The following EHBP1 variants were observed in gnomAD, a reference collection of about 807,000 sequenced individuals.
EHBP1 encodes the protein EH domain binding protein 1.
A neutral mutation model predicts 144.0 loss-of-function variants in EHBP1; 55 were observed. The observed-to-expected ratio is 0.38, with a 90% CI of 0.31 to 0.48. The LOEUF (loss-of-function observed/expected upper bound fraction) is 0.48, where lower values mean the gene tolerates loss of function less well. Among genes scored for constraint, EHBP1 ranks in the 20% least tolerant of loss-of-function variants. The pLI is 0.98. For synonymous variants in EHBP1, 469 were observed against 472.7 expected (o/e 0.99, Z 0.10); for missense variants, 1,200 against 1,364.2 (o/e 0.88, Z 1.90).
At chr2:62,712,671 G>A (rs927717017) in intron 2 of EHBP1, among the ~76,000 whole-genome samples, 1 of 152,130 alleles carries the variant, frequency 6.6e-6, no homozygotes, top group Non-Finnish European at 1.5e-5. Flanking sequence ...AGCTGGAAAA[G>A]GAGAAGGTAA....
chr2:62,983,690 G>GAAT (rs1239536685), intron 15 of EHBP1, among the ~76,000 whole-genome samples: 2 of 151,910 alleles, frequency 1.3e-5, no homozygotes, highest in Non-Finnish European at 2.9e-5. Flanking sequence ...ACAGGCACCC[G>GAAT]GCCACCATGC....
intron 14 of EHBP1, 102 bp from the exon 15 acceptor site, chr2:62,979,086 C>G: frequency 8.4e-7 from 1 of 1,197,158 alleles, no homozygotes; most frequent in Non-Finnish European, 1.2e-6. Context: ...TAATGTGGGC[C>G]AAGCACCATG....
chr2:62,748,390 AC>A (rs1416184353), intron 3 of EHBP1, among the ~76,000 whole-genome samples: 2 of 152,140 alleles, frequency 1.3e-5, no homozygotes, highest in Non-Finnish European at 2.9e-5. Context: ...TTCTATCCTT[AC>A]GCCTGTAATC....
At chr2:62,728,667 T>C (rs759370306) in intron 2 of EHBP1, among the ~76,000 whole-genome samples, 3 of 152,078 alleles carry the variant, frequency 2.0e-5, no homozygotes, top group Non-Finnish European at 2.9e-5. Context: ...GATTTGCAAA[T>C]AGTTTCTCTC....
intron 1 of EHBP1, among the ~76,000 whole-genome samples, chr2:62,680,261 A>T (rs2033464346): frequency 6.6e-6 from 1 of 152,214 alleles, no homozygotes; most frequent in African/African-American, 2.4e-5. Flanking sequence ...TCTCATTTTC[A>T]GTGCCCCTTG....
chr2:62,864,554 G>A (rs1013772411), intron 8 of EHBP1, among the ~76,000 whole-genome samples, 177 bp from the exon 9 acceptor site: 1 of 152,030 alleles, frequency 6.6e-6, no homozygotes, highest in African/African-American at 2.4e-5. Flanking sequence ...CACATCTTCT[G>A]AACATTAAGA....
chr2:62,981,350 A>G (rs2058961775), intron 15 of EHBP1, among the ~76,000 whole-genome samples: 1 of 152,154 alleles, frequency 6.6e-6, no homozygotes, highest in Admixed American at 6.5e-5. Context: ...GAAAAACACC[A>G]TATTCTTATG....
At chr2:62,912,411 G>A (rs771148198) in intron 10 of EHBP1, among the ~76,000 whole-genome samples, 15 of 152,188 alleles carry the variant, frequency 9.9e-5, no homozygotes, top group Non-Finnish European at 1.5e-4. Context: ...AATTAGCCAG[G>A]CATGGTAGTG....
chr2:62,868,794 T>A (rs528378164), intron 9 of EHBP1, among the ~76,000 whole-genome samples: 93 of 150,646 alleles, frequency 6.2e-4, no homozygotes, highest in East Asian at 5.7e-3. Context: ...AAAAAAAAAA[T>A]TTTTTTTTAA....
In EHBP1 at chr2:62,874,462, T is replaced by A; in HGVS notation, c.1115T>A (p.Leu372His). 6.2e-7 allele frequency: 1 copy of A among 1,613,230 alleles called. No individual in the cohort carries two copies. Among genetic ancestry groups the A allele is most frequent in the Non-Finnish European group, 8.5e-7 (1 of 1,179,548 alleles). ...AGAAAGGCCCCGGCTCCACCAGTCC[T>A]CTCACCAAAAACAGGAGTATTAAAT... ...VKRKAPAPPV[L>H]SPKTGVLNEN... Residue 372 changes from leucine (L) to histidine (H), a missense_variant, in exon 10 of 23, where the codon CTC (leucine) becomes CAC (histidine). Around this residue, in one of 6 missense-constraint regions of EHBP1, gnomAD observed 266 missense variants for 262.4 expected, o/e 1.01. Transcript: ENST00000431489.
chr2:62,779,088 C>G (rs1176558703), intron 5 of EHBP1, among the ~76,000 whole-genome samples: 1 of 152,186 alleles, frequency 6.6e-6, no homozygotes, highest in Non-Finnish European at 1.5e-5. Context: ...TACCCCTCTT[C>G]CACCATGGAG....
At chr2:62,751,237 A>G (rs182951751) in intron 3 of EHBP1, among the ~76,000 whole-genome samples, 19 of 152,300 alleles carry the variant, frequency 1.2e-4, no homozygotes, top group Admixed American at 1.0e-3. Flanking sequence ...ATCTATTGAG[A>G]TAATCATGTG....
chr2:62,968,933 T>G (rs1038069902), intron 14 of EHBP1, among the ~76,000 whole-genome samples: 3 of 152,196 alleles, frequency 2.0e-5, no homozygotes, highest in African/African-American at 7.2e-5. Context: ...AGCTCCTTTT[T>G]GCCTACAAAA....
chr2:62,745,327 G>T (rs1308643676), intron 2 of EHBP1, among the ~76,000 whole-genome samples: 1 of 151,706 alleles, frequency 6.6e-6, no homozygotes, highest in Non-Finnish European at 1.5e-5. Context: ...TAGAAAATAG[G>T]TGTGTCTAGG....
intron 9 of EHBP1, among the ~76,000 whole-genome samples, chr2:62,872,603 T>G (rs2050579110): frequency 6.6e-6 from 1 of 152,118 alleles, no homozygotes; most frequent in Non-Finnish European, 1.5e-5. Flanking sequence ...GATATATGCT[T>G]CACATAACAT....
intron 20 of EHBP1, 46 bp from the exon 21 acceptor site, chr2:63,038,697 A>G: frequency 1.3e-6 from 2 of 1,546,832 alleles, no homozygotes; most frequent in Non-Finnish European, 8.9e-7. Context: ...TAAGTTTTTA[A>G]TGATTTAGTA....
At chr2:62,803,262 G>A (rs562152719) in intron 5 of EHBP1, among the ~76,000 whole-genome samples, 139 of 151,490 alleles carry the variant, frequency 9.2e-4, no homozygotes, top group Non-Finnish European at 1.8e-3. Context: ...TTATGCACAC[G>A]TGCATGATAG....
chr2:62,997,434 G>T (rs983591790), intron 19 of EHBP1, among the ~76,000 whole-genome samples: 9 of 115,502 alleles, frequency 7.8e-5, no homozygotes, highest in Middle Eastern at 4.4e-3. Context: ...ACTCATGTGT[G>T]TGTGTGTGTG....
Position 62,901,572 on chromosome 2 carries a change from A to G in EHBP1, c.1185+27040A>G, listed in dbSNP as rs1257145739. 2.6e-5 allele frequency among the ~76,000 whole-genome samples: 4 copies of G among 152,232 alleles called. No individual in the cohort carries two copies. The East Asian group carries it at 7.7e-4, about 29-fold the overall frequency. ...AGGAAACAAAAAAAAGGGAGGCTGC[A>G]TTTGCCAAAATCTAATGATGATAAC... On this transcript the variant is annotated intron_variant, in intron 10 of 22. Coordinates refer to ENST00000431489, the MANE Select transcript of EHBP1 (RefSeq NM_001142616.3).
Sources: allele counts gnomAD v4.1 joint callset (sites outside exome capture counted in the v4.1 genomes callset), GRCh38; gene constraint gnomAD v4.1.1; regional missense constraint gnomAD v4.1.1; transcripts MANE v1.5; gene names NCBI Gene and HGNC (gene_info 2026-07-23, HGNC 2026-07-21).